The following GOLM1 variants were observed in gnomAD, a reference collection of about 807,000 sequenced individuals.
The protein encoded by GOLM1 is golgi membrane protein 1.
A neutral mutation model predicts 50.5 loss-of-function variants in GOLM1; 31 were observed. That is an observed-to-expected ratio of 0.61 (90% CI 0.46 to 0.83). The LOEUF is 0.83. Among genes scored for constraint, GOLM1 ranks in the 40% least tolerant of loss-of-function variants. The probability of loss-of-function intolerance (pLI) is 0.00; values close to 1 mark genes in which losing one functional copy is unlikely to be tolerated. For synonymous variants in GOLM1, 178 were observed against 192.8 expected (o/e 0.92, Z 0.64); for missense variants, 491 against 501.3 (o/e 0.98, Z 0.20).
chr9:86,062,535 G>C (rs1042359334), intron 3 of GOLM1, among the ~76,000 whole-genome samples: 3 of 150,930 alleles, frequency 2.0e-5, no homozygotes, highest in African/African-American at 7.3e-5. Context: ...GAGGAGGGAA[G>C]AAAAGAGGAC....
Position 86,075,895 on chromosome 9 carries a change from G to A in GOLM1, c.309+1517C>T, listed in dbSNP as rs142247746. On this transcript the variant is annotated intron_variant, in intron 3 of 9. Transcript: ENST00000388712. Reference sequence around the variant, plus strand: ...AAGCACTTTATTACAACAACATTATGCACAATTCCCAGAGAAGAAATATGA... The same window carrying A: ...AAGCACTTTATTACAACAACATTATACACAATTCCCAGAGAAGAAATATGA... Among the ~76,000 whole-genome samples, 955 of 152,178 alleles carry A rather than the reference G, an allele frequency of 6.3e-3. 6 individuals carry two copies. The highest frequency in any genetic ancestry group is 0.02 in the African/African-American group (825 of 41,510).
intron 3 of GOLM1, among the ~76,000 whole-genome samples, chr9:86,057,702 G>T (rs1834034059): frequency 6.6e-6 from 1 of 152,224 alleles, no homozygotes; most frequent in African/African-American, 2.4e-5. Flanking sequence ...GGCCCTGGGT[G>T]AGCGTGGAGG....
chr9:86,079,049 G>T, intron 2 of GOLM1, 143 bp downstream of exon 2: 1 of 634,586 alleles, frequency 1.6e-6, no homozygotes, highest in Non-Finnish European at 2.5e-6. Context: ...GGGGTGTGCA[G>T]AGCCCTAAAC....
intron 1 of GOLM1, among the ~76,000 whole-genome samples, chr9:86,098,677 C>T (rs1338880564): frequency 1.3e-5 from 2 of 152,224 alleles, no homozygotes; most frequent in Admixed American, 6.5e-5. Context: ...TGTTATTCTT[C>T]ACATTTTGTT....
rs138807513 is a variant in GOLM1 at position 86,026,477 on chromosome 9, CA to C, written c.*1339del. On this transcript the variant is annotated 3_prime_UTR_variant, in exon 10 of 10. Transcript: ENST00000388712. Reference sequence around the variant, plus strand: ...AGCTACTCGGGAGTCTGTGTGAGGCCAGGGGTGCCAGCGCACCAGCTAGATG... The same window carrying C: ...AGCTACTCGGGAGTCTGTGTGAGGCCGGGGTGCCAGCGCACCAGCTAGATG... 1,300 of 935,094 alleles carry C rather than the reference CA, an allele frequency of 1.4e-3. 16 individuals carry two copies. The African/African-American group carries it at 0.022, about 16-fold the overall frequency. The allele number at this position is 935,094 out of a possible 1,614,324, so 57.9% of individuals were successfully genotyped here.
intron 3 of GOLM1, among the ~76,000 whole-genome samples, chr9:86,065,991 G>C (rs1364435746): frequency 6.6e-6 from 1 of 152,170 alleles, no homozygotes; most frequent in Non-Finnish European, 1.5e-5. Context: ...AGTGAGCCAA[G>C]ATTACGCCAC....
At chr9:86,054,970 T>C (rs558556538) in intron 3 of GOLM1, among the ~76,000 whole-genome samples, 10 of 152,310 alleles carry the variant, frequency 6.6e-5, no homozygotes, top group African/African-American at 1.2e-4. Context: ...TTGTGTCCCA[T>C]TCCTGCTTAG....
intron 1 of GOLM1, among the ~76,000 whole-genome samples, chr9:86,093,510 C>T (rs1835251525): frequency 1.3e-5 from 2 of 149,966 alleles, no homozygotes; most frequent in Admixed American, 1.3e-4. Context: ...ATGGAGGTTG[C>T]AGTGAGTTGA....
intron 1 of GOLM1, among the ~76,000 whole-genome samples, chr9:86,086,989 A>G (rs1563968485): frequency 6.6e-6 from 1 of 152,202 alleles, no homozygotes; most frequent in East Asian, 1.9e-4. Context: ...TTCTGTGAAG[A>G]AAGTCAAGGG....
At chr9:86,082,945 T>C (rs953659011) in intron 1 of GOLM1, among the ~76,000 whole-genome samples, 2 of 152,248 alleles carry the variant, frequency 1.3e-5, no homozygotes, top group Admixed American at 6.5e-5. Flanking sequence ...TAGTAACACA[T>C]CTTGCCTCCC....
At chr9:86,090,041 A>T (rs915459928) in intron 1 of GOLM1, among the ~76,000 whole-genome samples, 4 of 151,908 alleles carry the variant, frequency 2.6e-5, no homozygotes, top group Non-Finnish European at 2.9e-5. Flanking sequence ...CTGGAGGTCC[A>T]CTCCAGACAC....
At chr9:86,062,181 C>T (rs986048021) in intron 3 of GOLM1, among the ~76,000 whole-genome samples, 1 of 152,154 alleles carries the variant, frequency 6.6e-6, no homozygotes, top group Non-Finnish European at 1.5e-5. Context: ...TGTGGGAAAG[C>T]ACCTCGCTGG....
At chr9:86,030,151 G>A (rs1832925425) in intron 9 of GOLM1, among the ~76,000 whole-genome samples, 1 of 151,168 alleles carries the variant, frequency 6.6e-6, no homozygotes, top group African/African-American at 2.4e-5. Context: ...CCAGGAGGCG[G>A]AGACTGCTGT....
chr9:86,033,160 A>G, intron 9 of GOLM1, 122 bp downstream of exon 9: 1 of 645,902 alleles, frequency 1.5e-6, no homozygotes, highest in Admixed American at 2.6e-5. Context: ...AGAACAGACG[A>G]TCTCCTTGAA....
chr9:86,071,466 G>C (rs1023979225), intron 3 of GOLM1, among the ~76,000 whole-genome samples: 1 of 152,054 alleles, frequency 6.6e-6, no homozygotes, highest in Non-Finnish European at 1.5e-5. Context: ...ATCACTTGAA[G>C]TCAGGAGTTC....
intron 3 of GOLM1, among the ~76,000 whole-genome samples, chr9:86,065,611 C>T (rs188924767): frequency 6.6e-6 from 1 of 152,166 alleles, no homozygotes; most frequent in African/African-American, 2.4e-5. Flanking sequence ...GCAGACCTGG[C>T]AGCCCCCGGC....
At chr9:86,095,241 T>C (rs1227795136) in intron 1 of GOLM1, among the ~76,000 whole-genome samples, 2 of 152,058 alleles carry the variant, frequency 1.3e-5, no homozygotes, top group African/African-American at 4.8e-5. Context: ...TTTTTTCTTT[T>C]TTTTTGAGAC....
At chr9:86,070,158 C>T (rs1834406033) in intron 3 of GOLM1, among the ~76,000 whole-genome samples, 1 of 152,082 alleles carries the variant, frequency 6.6e-6, no homozygotes, top group Admixed American at 6.6e-5. Flanking sequence ...GCTGGGATTA[C>T]AGGCGTGAGC....
At chr9:86,068,208 C>G (rs1010861752) in intron 3 of GOLM1, among the ~76,000 whole-genome samples, 1 of 152,122 alleles carries the variant, frequency 6.6e-6, no homozygotes, top group African/African-American at 2.4e-5. Context: ...CACTTACAAG[C>G]TGAGGAACGT....
Sources: allele counts gnomAD v4.1 joint callset (sites outside exome capture counted in the v4.1 genomes callset), GRCh38; gene constraint gnomAD v4.1.1; transcripts MANE v1.5; gene names NCBI Gene and HGNC (gene_info 2026-07-23, HGNC 2026-07-21).